The following TASP1 variants were observed in gnomAD, a reference collection of about 807,000 sequenced individuals.
TASP1 encodes the protein taspase 1, also known as threonine aspartase 1.
TASP1 carries 16 observed loss-of-function variants against 56.6 expected under a neutral mutation model. That is an observed-to-expected ratio of 0.28 (90% CI 0.19 to 0.43). TASP1 has a LOEUF of 0.43. Ranked by LOEUF, TASP1 falls within the 20% of genes least tolerant of loss-of-function variation. TASP1 has a pLI of 1.00. For missense variants in TASP1, 393 were observed against 511.6 expected (o/e 0.77, Z 2.24); for synonymous variants, 179 against 184.2 (o/e 0.97, Z 0.23).
chr20:13,527,847 C>T (rs1253492051), intron 10 of TASP1, among the ~76,000 whole-genome samples: 1 of 152,032 alleles, frequency 6.6e-6, no homozygotes, highest in Non-Finnish European at 1.5e-5. Context: ...GTTATCTAAA[C>T]TTGGCAGCAT....
the TASP1 span, chr20:13,221,756 A>G: frequency 7.0e-7 from 1 of 1,423,692 alleles, no homozygotes; most frequent in Non-Finnish European, 9.2e-7. Context: ...GCCGGGTCCT[A>G]AAGCCGCGCG....
At chr20:13,201,991 G>C in the TASP1 span, among the ~76,000 whole-genome samples, 1 of 152,154 alleles carries the variant, frequency 6.6e-6, no homozygotes, top group Non-Finnish European at 1.5e-5. Flanking sequence ...CTGACCTCAT[G>C]ATCTGCCTGT....
At chr20:13,272,805 C>T in the TASP1 span, among the ~76,000 whole-genome samples, 2 of 152,190 alleles carry the variant, frequency 1.3e-5, no homozygotes, top group African/African-American at 2.4e-5. Flanking sequence ...CATACCGTTG[C>T]TCAACCTTGT....
chr20:13,483,799 T>C (rs867882371), intron 10 of TASP1, among the ~76,000 whole-genome samples: 15 of 152,138 alleles, frequency 9.9e-5, no homozygotes, highest in Middle Eastern at 3.4e-3. Context: ...AAAGCCAAAA[T>C]TGACAAATGG....
the TASP1 span, among the ~76,000 whole-genome samples, chr20:13,196,336 C>T: frequency 6.6e-6 from 1 of 152,168 alleles, no homozygotes; most frequent in Non-Finnish European, 1.5e-5. Flanking sequence ...AGTAGTGTTG[C>T]ATACAAATAT....
At chr20:13,309,675 T>C in the TASP1 span, among the ~76,000 whole-genome samples, 1 of 152,174 alleles carries the variant, frequency 6.6e-6, no homozygotes, top group African/African-American at 2.4e-5. Flanking sequence ...TTGCAGATGG[T>C]ATTATCTTAT....
the TASP1 span, among the ~76,000 whole-genome samples, chr20:13,232,995 G>C: frequency 2.8e-4 from 43 of 151,890 alleles, no homozygotes; most frequent in South Asian, 9.0e-3. Context: ...TCATGGTGGG[G>C]GTTGTGAAAA....
At chr20:13,561,430 A>G (rs1048619787) in intron 7 of TASP1, among the ~76,000 whole-genome samples, 2 of 152,106 alleles carry the variant, frequency 1.3e-5, no homozygotes, top group South Asian at 2.1e-4. Context: ...CAGTGGCACA[A>G]TCTGGACTCA....
chr20:13,626,031 T>C lies in TASP1; in HGVS notation c.146-779A>G, dbSNP rs111641739. 1.7e-3 allele frequency among the ~76,000 whole-genome samples: 264 copies of C among 152,300 alleles called. 1 individual carries two copies. Among genetic ancestry groups the C allele is most frequent in the African/African-American group, 5.8e-3 (239 of 41,560 alleles). On this transcript the variant is annotated intron_variant, in intron 2 of 13. Transcript: ENST00000337743. The stretch of plus-strand genomic sequence containing the variant: ...ACAAGAGCCCTTAAACTCTCTTAAT[T>C]AGGCCTCTCTCTAATCAAAGTTCAT...
At chr20:13,400,347 TAGTC>T (rs1367630201) in intron 13 of TASP1, among the ~76,000 whole-genome samples, 2 of 152,210 alleles carry the variant, frequency 1.3e-5, no homozygotes, top group African/African-American at 4.8e-5. Context: ...GCTTCCGTCT[TAGTC>T]AGTCATTATT....
chr20:13,494,878 C>T lies in TASP1; in HGVS notation c.875-11541G>A, dbSNP rs145905478. Reference sequence around the variant, plus strand: ...AGAAAGTCCTATAAATAGTAAGTCACCAAGCACATCCCAACAAAATAAAAT... The same window carrying T: ...AGAAAGTCCTATAAATAGTAAGTCATCAAGCACATCCCAACAAAATAAAAT... On this transcript the variant is annotated intron_variant, in intron 10 of 13. Transcript: ENST00000337743. 1.8e-3 allele frequency among the ~76,000 whole-genome samples: 278 copies of T among 151,906 alleles called. 1 individual carries two copies. Among genetic ancestry groups the T allele is most frequent in the African/African-American group, 6.3e-3 (261 of 41,452 alleles).
chr20:13,268,446 T>C, the TASP1 span, among the ~76,000 whole-genome samples: 3 of 148,348 alleles, frequency 2.0e-5, no homozygotes, highest in African/African-American at 4.9e-5. Context: ...CTCTGTTGCA[T>C]TGAGTAATGT....
At chr20:13,142,753 A>G in the TASP1 span, among the ~76,000 whole-genome samples, 2 of 152,332 alleles carry the variant, frequency 1.3e-5, no homozygotes, top group Non-Finnish European at 2.9e-5. Flanking sequence ...GCTGTGCCAG[A>G]ATCCAGTCTT....
At chr20:13,592,013 G>A (rs2047550654) in intron 4 of TASP1, among the ~76,000 whole-genome samples, 2 of 151,990 alleles carry the variant, frequency 1.3e-5, no homozygotes, top group Non-Finnish European at 1.5e-5. Context: ...ATCCTCAAAA[G>A]ATAGCATAAG....
the TASP1 span, among the ~76,000 whole-genome samples, chr20:13,369,088 G>A: frequency 6.6e-6 from 1 of 152,162 alleles, no homozygotes; most frequent in Non-Finnish European, 1.5e-5. Flanking sequence ...TAATGGTGAT[G>A]CCAAATGAAG....
At position 13,564,167 on chromosome 20, in the gene TASP1, A is replaced by G. The variant is rs1045319386; in HGVS notation, c.569-5053T>C. The stretch of plus-strand genomic sequence containing the variant: ...TTATACTTGATCTTATACTTGGAAC[A>G]TCCTAAAGATCTCCAACCCCGTCCC... On this transcript the variant is annotated intron_variant, in intron 7 of 13. Transcript: ENST00000337743. Among the ~76,000 whole-genome samples the G allele has an allele frequency of 2.0e-5, 3 of 152,188 alleles. No individual in the cohort carries two copies. In the South Asian group the frequency reaches 6.2e-4, roughly 32 times the overall value.
intron 2 of TASP1, among the ~76,000 whole-genome samples, chr20:13,628,630 T>C (rs1452374428): frequency 2.0e-5 from 3 of 152,166 alleles, no homozygotes; most frequent in Admixed American, 6.5e-5. Context: ...GACACCAGTC[T>C]CACAAGAAGA....
the TASP1 span, among the ~76,000 whole-genome samples, chr20:13,262,256 C>T: frequency 6.6e-6 from 1 of 152,200 alleles, no homozygotes; most frequent in Non-Finnish European, 1.5e-5. Flanking sequence ...CCCCTGGTGG[C>T]CACTGGTGGC....
At chr20:13,497,942 A>G (rs1392905706) in intron 10 of TASP1, among the ~76,000 whole-genome samples, 2 of 152,192 alleles carry the variant, frequency 1.3e-5, no homozygotes, top group African/African-American at 4.8e-5. Flanking sequence ...TACACAGAAG[A>G]ATGAAATTGG....
Sources: allele counts gnomAD v4.1 joint callset (sites outside exome capture counted in the v4.1 genomes callset), GRCh38; gene constraint gnomAD v4.1.1; transcripts MANE v1.5; gene names NCBI Gene and HGNC (gene_info 2026-07-23, HGNC 2026-07-21).